ROBO2: variants seen among roughly 807,000 people sequenced by gnomAD.
ROBO2 encodes roundabout guidance receptor 2, also known as roundabout homolog 2.
A neutral mutation model predicts 160.8 loss-of-function variants in ROBO2; 53 were observed. That is an observed-to-expected ratio of 0.33 (90% CI 0.26 to 0.41). ROBO2 has a LOEUF of 0.41. Among genes scored for constraint, ROBO2 ranks in the 10% least tolerant of loss-of-function variants. The probability of loss-of-function intolerance (pLI) is 1.00; values close to 1 mark genes in which losing one functional copy is unlikely to be tolerated. For missense variants in ROBO2, 1,577 were observed against 1,722.4 expected, an observed-to-expected ratio of 0.92 and a Z score of 1.49; for synonymous variants, 664 against 611.7, an observed-to-expected ratio of 1.09 and a Z score of -1.26.
chr3:77,189,376 C>T (rs1405081760), intron 2 of ROBO2, among the ~76,000 whole-genome samples: 1 of 151,704 alleles, frequency 6.6e-6, no homozygotes, highest in Non-Finnish European at 1.5e-5. Context: ...TAGAAATGAC[C>T]ATGGAAAGAT....
At chr3:77,497,183 G>A (rs377372115) in intron 5 of ROBO2, among the ~76,000 whole-genome samples, 14 of 152,004 alleles carry the variant, frequency 9.2e-5, no homozygotes, top group African/African-American at 1.7e-4. Context: ...AGATATTACC[G>A]TTTCACAATT....
At chr3:77,068,686 A>C (rs2067109150) in intron 1 of ROBO2, among the ~76,000 whole-genome samples, 1 of 152,126 alleles carries the variant, frequency 6.6e-6, no homozygotes, top group African/African-American at 2.4e-5. Flanking sequence ...GGGAGGGCAG[A>C]ATTGGAAGTA....
chr3:75,961,240 TTAG>T (rs1328578555), intron 2 of ROBO2, among the ~76,000 whole-genome samples: 3 of 151,684 alleles, frequency 2.0e-5, no homozygotes, highest in Admixed American at 6.6e-5. Context: ...TAGTTTTTCA[TTAG>T]TAGTAGTAAT....
In ROBO2 at chr3:76,498,522, T is replaced by C. The variant is rs1249390053; in HGVS notation, c.109+560920T>C. Among the ~76,000 whole-genome samples, 9 of 151,876 alleles carry C rather than the reference T, an allele frequency of 5.9e-5. No individual in the cohort carries two copies. The East Asian group carries it at 1.2e-3, about 20-fold the overall frequency. ...GTTAATTAGCTGTATTTAGAAATTA[T>C]ATAATAAATATATATTTCTAAATAT... On this transcript the variant is annotated intron_variant, in intron 2 of 26. Transcript: ENST00000487694.
chr3:77,478,029 G>A (rs1221051113), intron 3 of ROBO2, among the ~76,000 whole-genome samples: 1 of 151,802 alleles, frequency 6.6e-6, no homozygotes, highest in Non-Finnish European at 1.5e-5. Flanking sequence ...GTTTCACCAT[G>A]TTGGCCAGGA....
chr3:76,591,158 GT>G (rs1406770729), intron 2 of ROBO2, among the ~76,000 whole-genome samples: 1 of 152,028 alleles, frequency 6.6e-6, no homozygotes, highest in African/African-American at 2.4e-5. Context: ...CACATATTTT[GT>G]ATGGTATATG....
chr3:77,228,242 A>G (rs2086728173), intron 2 of ROBO2, among the ~76,000 whole-genome samples: 1 of 151,984 alleles, frequency 6.6e-6, no homozygotes, highest in Admixed American at 6.6e-5. Flanking sequence ...TCACAGCTTA[A>G]TGCAGCCTTG....
chr3:77,581,071 T>G (rs911412288), intron 16 of ROBO2, among the ~76,000 whole-genome samples: 1 of 152,152 alleles, frequency 6.6e-6, no homozygotes, highest in African/African-American at 2.4e-5. Flanking sequence ...AAATTTTCTT[T>G]TATGACTAAT....
rs57835432 is a variant in ROBO2 at position 76,493,337 on chromosome 3, T to TTATATATATA, written c.109+555754_109+555763dup. Among the ~76,000 whole-genome samples the TTATATATATA allele has an allele frequency of 5.0e-3, 528 of 104,760 alleles. 8 individuals are homozygous for TTATATATATA. Among genetic ancestry groups the TTATATATATA allele is most frequent in the East Asian group, 0.011 (36 of 3,398 alleles). The allele number at this position is 104,760 out of a possible 152,430, so 68.7% of individuals were successfully genotyped here. On this transcript the variant is annotated intron_variant, in intron 2 of 26. Coordinates refer to the ROBO2 transcript ENST00000487694. ...GAACCCAAAACATGTAGACAAAAAA[T>TTATATATATA]TATATATATATATATATATATATAT...
intron 2 of ROBO2, among the ~76,000 whole-genome samples, chr3:76,033,187 G>T (rs2066986382): frequency 6.6e-6 from 1 of 151,830 alleles, no homozygotes; most frequent in Middle Eastern, 3.4e-3. Context: ...ATCATGGTTG[G>T]GACATAACTT....
At chr3:76,033,307 C>G (rs970476561) in intron 2 of ROBO2, among the ~76,000 whole-genome samples, 2 of 152,050 alleles carry the variant, frequency 1.3e-5, no homozygotes, top group African/African-American at 4.8e-5. Flanking sequence ...CACACACACA[C>G]ACACACAGAC....
At chr3:76,117,925 G>A (rs999974783) in intron 2 of ROBO2, among the ~76,000 whole-genome samples, 3 of 151,964 alleles carry the variant, frequency 2.0e-5, no homozygotes, top group African/African-American at 7.3e-5. Flanking sequence ...AAGGTAGCAA[G>A]AAAGAGCAAC....
intron 2 of ROBO2, among the ~76,000 whole-genome samples, chr3:76,415,571 A>G (rs746080361): frequency 2.0e-5 from 3 of 152,342 alleles, no homozygotes; most frequent in Non-Finnish European, 4.4e-5. Flanking sequence ...GTTTGTCATC[A>G]CTAAAGAAAA....
At chr3:76,730,250 A>C (rs1447272312) in intron 2 of ROBO2, among the ~76,000 whole-genome samples, 2 of 83,100 alleles carry the variant, frequency 2.4e-5, no homozygotes, top group East Asian at 3.5e-4. Flanking sequence ...CCTACTCCCT[A>C]CCCGCTTCTC....
At chr3:77,354,932 A>G (rs539416164) in intron 2 of ROBO2, among the ~76,000 whole-genome samples, 1 of 152,314 alleles carries the variant, frequency 6.6e-6, no homozygotes, top group Non-Finnish European at 1.5e-5. Context: ...AGAAATACCG[A>G]AGGTTTCTTT....
At chr3:77,377,971 C>T (rs1053821392) in intron 2 of ROBO2, among the ~76,000 whole-genome samples, 2 of 152,114 alleles carry the variant, frequency 1.3e-5, no homozygotes, top group African/African-American at 4.8e-5. Flanking sequence ...TGTTCTGACT[C>T]TCTGGAGTTT....
intron 2 of ROBO2, among the ~76,000 whole-genome samples, chr3:76,932,163 A>G (rs2149059580): frequency 6.6e-6 from 1 of 152,300 alleles, no homozygotes; most frequent in South Asian, 2.1e-4. Flanking sequence ...TTCTAGTAGC[A>G]TTCTTGCTTT....
chr3:76,578,554 G>A (rs187183591), intron 2 of ROBO2, among the ~76,000 whole-genome samples: 10 of 152,018 alleles, frequency 6.6e-5, no homozygotes, highest in African/African-American at 1.7e-4. Flanking sequence ...TCTTGACCTC[G>A]CAGCTGCTTT....
chr3:76,575,061 T>C (rs1029054528), intron 2 of ROBO2, among the ~76,000 whole-genome samples: 5 of 152,102 alleles, frequency 3.3e-5, no homozygotes, highest in African/African-American at 1.2e-4. Flanking sequence ...TTTTAGATAT[T>C]AGCCCTCTTC....
Sources: allele counts gnomAD v4.1 joint callset (sites outside exome capture counted in the v4.1 genomes callset), GRCh38; gene constraint gnomAD v4.1.1; transcripts MANE v1.5; gene names NCBI Gene and HGNC (gene_info 2026-07-23, HGNC 2026-07-21).